FAM220A: variants seen among roughly 807,000 people sequenced by gnomAD.
FAM220A encodes the protein family with sequence similarity 220 member A.
For synonymous variants in FAM220A, 141 were observed against 130.7 expected, an observed-to-expected ratio of 1.08 and a Z score of -0.54; for missense variants, 392 against 321.6, an observed-to-expected ratio of 1.22 and a Z score of -1.68.
chr7:6,338,319 G>A (rs77327417), intron 1 of FAM220A, among the ~76,000 whole-genome samples: 2 of 152,076 alleles, frequency 1.3e-5, no homozygotes, highest in African/African-American at 2.4e-5. Flanking sequence ...ATGCCTAAGT[G>A]TATACAAAAT....
chr7:6,337,622 T>C (rs1398411832), intron 1 of FAM220A, among the ~76,000 whole-genome samples: 1 of 151,626 alleles, frequency 6.6e-6, no homozygotes, highest in Non-Finnish European at 1.5e-5. Flanking sequence ...TAACGCAGTA[T>C]AAGGTACCAT....
At chr7:6,333,192 A>C (rs1781673865) in intron 1 of FAM220A, among the ~76,000 whole-genome samples, 1 of 151,918 alleles carries the variant, frequency 6.6e-6, no homozygotes, top group South Asian at 2.1e-4. Flanking sequence ...CAAAAAACAA[A>C]AAAACACTGG....
At chr7:6,348,486 C>T in intron 1 of FAM220A, 87 bp downstream of exon 1, 1 of 409,638 alleles carries the variant, frequency 2.4e-6, no homozygotes, top group Non-Finnish European at 4.3e-6. Context: ...AGCTTCTAGG[C>T]AGTGGCAGCT....
chr7:6,338,126 T>C (rs1781781646), intron 1 of FAM220A, among the ~76,000 whole-genome samples: 1 of 152,146 alleles, frequency 6.6e-6, no homozygotes, highest in Non-Finnish European at 1.5e-5. Context: ...CAACAGGTTA[T>C]CAAAAACATT....
At chr7:6,341,446 A>AAAT (rs1182692468) in intron 1 of FAM220A, among the ~76,000 whole-genome samples, 3 of 140,808 alleles carry the variant, frequency 2.1e-5, no homozygotes, top group South Asian at 2.1e-4. Context: ...TGTCTCAAAA[A>AAAT]AATAATAATA....
chr7:6,347,143 A>C (rs1371125860), intron 1 of FAM220A, among the ~76,000 whole-genome samples: 1 of 152,216 alleles, frequency 6.6e-6, no homozygotes, highest in Non-Finnish European at 1.5e-5. Context: ...CCTTGGCAAC[A>C]TGGGAAGACC....
chr7:6,346,538 G>A (rs144145918), intron 1 of FAM220A, among the ~76,000 whole-genome samples: 3,330 of 152,080 alleles, frequency 0.022, 141 homozygotes, highest in African/African-American at 0.077. Flanking sequence ...CGGCCACCAC[G>A]CCCAGCTAAT....
At chr7:6,347,816 G>A (rs13242515) in intron 1 of FAM220A, among the ~76,000 whole-genome samples, 18,978 of 151,332 alleles carry the variant, frequency 0.13, 1,510 homozygotes, top group Admixed American at 0.23. Context: ...AGCACTGGGA[G>A]GCCAAGATGG....
rs1781602658 is a variant in FAM220A at position 6,330,318 on chromosome 7, G to T, written c.*57C>A. The T allele has an allele frequency of 6.6e-7, 1 of 1,507,422 alleles. No individual in the cohort carries two copies. Among genetic ancestry groups the T allele is most frequent in the South Asian group, 1.3e-5 (1 of 77,802 alleles). The allele number at this position is 1,507,422 out of a possible 1,614,324, so 93.4% of individuals were successfully genotyped here. A position where few individuals can be genotyped will look rare whatever the true frequency, so the allele number is the denominator to read the frequency against. On this transcript the variant is annotated 3_prime_UTR_variant, in exon 2 of 2. Coordinates refer to ENST00000313324, the MANE Select transcript of FAM220A (RefSeq NM_001037163.2). ...GTTTGCATCCAGACTTAATGCGAAA[G>T]AAATCATTCTAAGACAACTCTTAAA...
At chr7:6,346,813 T>C (rs1781959298) in intron 1 of FAM220A, among the ~76,000 whole-genome samples, 1 of 152,150 alleles carries the variant, frequency 6.6e-6, no homozygotes, top group South Asian at 2.1e-4. Flanking sequence ...AAACCGACGT[T>C]AGAAAGGGAC....
At position 6,331,067 on chromosome 7, in the gene FAM220A, G is replaced by A; in HGVS notation, c.88C>T (p.Leu30Phe). The change falls in exon 2 of 2, where the codon CTT (leucine) becomes TTT (phenylalanine). Residue 30 changes from leucine (L) to phenylalanine (F), a missense_variant. Leu to Phe is a conservative substitution (Grantham distance 22). Transcript: ENST00000313324. Reference protein sequence around the residue: ...GGDSDKLSCSLKKRMPEGPWP... With the variant: ...GGDSDKLSCSFKKRMPEGPWP... ...GGGCCCTCCGGCATTCTTTTCTTAAGGCTGCATGATAGTTTGTCCGAGTCA... is the reference window on the plus strand; with the variant it reads ...GGGCCCTCCGGCATTCTTTTCTTAAAGCTGCATGATAGTTTGTCCGAGTCA... 2 of 1,613,706 alleles carry A rather than the reference G, an allele frequency of 1.2e-6. No homozygotes were observed. Among genetic ancestry groups the A allele is most frequent in the Non-Finnish European group, 1.7e-6 (2 of 1,180,032 alleles).
In FAM220A at chr7:6,331,206, G is replaced by A. The variant is rs780369196; in HGVS notation, c.-52C>T. On this transcript the variant is annotated 5_prime_UTR_variant, in exon 2 of 2. Transcript: ENST00000313324. ...CTGAGGTCACGCCTTCGTCAGTCTG[G>A]GAGGGCCTTCAATGGATCTCAATAT... 1 of 1,545,632 alleles carries A rather than the reference G, an allele frequency of 6.5e-7. No homozygotes were observed. The highest frequency in any genetic ancestry group is 8.7e-7 in the Non-Finnish European group (1 of 1,145,810).
At chr7:6,331,952 G>C (rs566431237) in intron 1 of FAM220A, among the ~76,000 whole-genome samples, 24 of 151,480 alleles carry the variant, frequency 1.6e-4, no homozygotes, top group Non-Finnish European at 2.9e-4. Context: ...CGCCATGTTG[G>C]CCAGGTGAAA....
chr7:6,342,983 G>A (rs1274455730), intron 1 of FAM220A, among the ~76,000 whole-genome samples: 1 of 151,528 alleles, frequency 6.6e-6, no homozygotes, highest in Non-Finnish European at 1.5e-5. Context: ...GCTGTAGTGA[G>A]CTATGATCGC....
chr7:6,344,712 C>A (rs1210388760), intron 1 of FAM220A, among the ~76,000 whole-genome samples: 1 of 151,956 alleles, frequency 6.6e-6, no homozygotes, highest in Non-Finnish European at 1.5e-5. Context: ...AGTCACGGCA[C>A]CTGGCCCACT....
At chr7:6,337,435 T>G (rs958402962) in intron 1 of FAM220A, among the ~76,000 whole-genome samples, 4 of 150,482 alleles carry the variant, frequency 2.7e-5, no homozygotes. Context: ...ATTTTAATTC[T>G]CAAGAAAAAC....
Position 6,348,941 on chromosome 7 carries a change from G to A in FAM220A, c.-450C>T, listed in dbSNP as rs1045316993. On this transcript the variant is annotated 5_prime_UTR_variant, in exon 1 of 2. Coordinates refer to ENST00000313324, the MANE Select transcript of FAM220A (RefSeq NM_001037163.2). ...CGGAGAAGTGCCTCCGCGAGCAGCC[G>A]CCTGTACCAGCCTGGCCGCGCAGCC... 8 of 380,170 alleles carry A rather than the reference G, an allele frequency of 2.1e-5. No homozygotes were observed. Among genetic ancestry groups the A allele is most frequent in the South Asian group, 1.4e-4 (1 of 6,920 alleles). The allele number at this position is 380,170 out of a possible 1,614,324, so 23.5% of individuals were successfully genotyped here. A position where few individuals can be genotyped will look rare whatever the true frequency, so the allele number is the denominator to read the frequency against.
At chr7:6,338,702 C>T (rs1781793939) in intron 1 of FAM220A, 1 of 152,444 alleles carries the variant, frequency 6.6e-6, no homozygotes, top group African/African-American at 2.4e-5. Context: ...ATGGCCTGAC[C>T]TACTTAGCTG....
intron 1 of FAM220A, among the ~76,000 whole-genome samples, chr7:6,345,037 C>G (rs562530230): frequency 1.3e-5 from 2 of 152,088 alleles, no homozygotes; most frequent in Admixed American, 1.3e-4. Context: ...TCCCACCACG[C>G]CCGGCCACTG....
Sources: gnomAD v4.1 joint callset for allele counts (sites outside exome capture counted in the v4.1 genomes callset) on GRCh38, gnomAD v4.1.1 for gene constraint, MANE v1.5 for transcripts, NCBI Gene and HGNC (gene_info 2026-07-23, HGNC 2026-07-21) for gene names.